Variants in SETMAR observed in about 807,000 individuals in gnomAD.
The protein encoded by SETMAR is histone-lysine N-methyltransferase SETMAR.
Under a neutral mutation model 58.4 loss-of-function variants are expected in SETMAR, and 44 were observed. The ratio of observed to expected loss-of-function variants is 0.75; its 90% confidence interval spans 0.59 to 0.97. The LOEUF (loss-of-function observed/expected upper bound fraction) is 0.97. Ranked by LOEUF, SETMAR falls within the 50% of genes least tolerant of loss-of-function variation. The pLI is 0.00. For synonymous variants in SETMAR, 332 were observed against 307.4 expected (o/e 1.08, Z -0.84); for missense variants, 903 against 840.2 (o/e 1.07, Z -0.92).
At chr3:4,310,035 G>A (rs889544129) in intron 1 of SETMAR, among the ~76,000 whole-genome samples, 3 of 152,186 alleles carry the variant, frequency 2.0e-5, no homozygotes, top group South Asian at 2.1e-4. Flanking sequence ...TGCACAGAAT[G>A]TTGCTACACT....
In SETMAR at chr3:4,313,207, T is replaced by C. The variant is rs1363115469; in HGVS notation, c.466T>C (p.Leu156=). The change falls in exon 2 of 3, where the codon TTG becomes CTG. Residue 156 remains leucine, a synonymous_variant. Transcript: ENST00000358065. ...TAAAAAAGGCTGGGGACTTCGTACC[T>C]TGGAATTTATACCGAAAGGAAGGTT... ...THKKGWGLRT[L]EFIPKGRFVC... The C allele has an allele frequency of 6.2e-7, 1 of 1,613,982 alleles. No homozygotes were observed. Among genetic ancestry groups the C allele is most frequent in the South Asian group, 1.1e-5 (1 of 91,080 alleles).
intron 1 of SETMAR, 56 bp from the exon 2 acceptor site, chr3:4,312,842 T>C: frequency 6.6e-7 from 1 of 1,526,450 alleles, no homozygotes. Context: ...CTACTTGGAA[T>C]ATATAGGAAA....
At chr3:4,303,552 G>C (rs1236135821) in intron 1 of SETMAR, 26 bp downstream of exon 1, 2 of 1,344,152 alleles carry the variant, frequency 1.5e-6, no homozygotes, top group South Asian at 2.1e-5. Context: ...GGCGGCGCGG[G>C]AGGCGGGCGC....
chr3:4,315,016 C>T (rs1698579838), intron 2 of SETMAR, among the ~76,000 whole-genome samples: 1 of 151,978 alleles, frequency 6.6e-6, no homozygotes, highest in Non-Finnish European at 1.5e-5. Context: ...CTCAATAAAG[C>T]TAGGTCGTTT....
intron 1 of SETMAR, among the ~76,000 whole-genome samples, 183 bp from the exon 2 acceptor site, chr3:4,312,715 A>G (rs1369645721): frequency 6.6e-6 from 1 of 151,420 alleles, no homozygotes. Context: ...AAAAAAAAAA[A>G]AAAAAACTTG....
At chr3:4,303,827 G>A (rs889469897) in intron 1 of SETMAR, 98 of 1,362,224 alleles carry the variant, frequency 7.2e-5, no homozygotes, top group Non-Finnish European at 9.0e-5. Context: ...AGGCATCACG[G>A]GGGGAGTCAT....
At chr3:4,306,280 A>G (rs1698186883) in intron 1 of SETMAR, among the ~76,000 whole-genome samples, 1 of 152,224 alleles carries the variant, frequency 6.6e-6, no homozygotes, top group Non-Finnish European at 1.5e-5. Context: ...TAAGCGTTAA[A>G]TTATTTAAAA....
At chr3:4,311,347 T>C (rs758481033) in intron 1 of SETMAR, among the ~76,000 whole-genome samples, 3 of 152,206 alleles carry the variant, frequency 2.0e-5, no homozygotes, top group Non-Finnish European at 2.9e-5. Context: ...CTGGAAGACG[T>C]GGTGCAAACA....
At chr3:4,309,355 G>T (rs1290618991) in intron 1 of SETMAR, among the ~76,000 whole-genome samples, 2 of 152,286 alleles carry the variant, frequency 1.3e-5, no homozygotes, top group South Asian at 4.1e-4. Context: ...CCCTTGCTGA[G>T]AGGAGGGGTC....
At chr3:4,309,125 G>A (rs1698305948) in intron 1 of SETMAR, among the ~76,000 whole-genome samples, 1 of 152,202 alleles carries the variant, frequency 6.6e-6, no homozygotes. Flanking sequence ...AATGCCTTGG[G>A]TAAGATAAAG....
intron 1 of SETMAR, among the ~76,000 whole-genome samples, chr3:4,304,817 C>T (rs1237394481): frequency 6.6e-6 from 1 of 152,056 alleles, no homozygotes; most frequent in Non-Finnish European, 1.5e-5. Flanking sequence ...GTGACCATGG[C>T]CTGTGACACA....
intron 1 of SETMAR, among the ~76,000 whole-genome samples, chr3:4,304,709 CAGATA>C (rs1023539968): frequency 1.2e-4 from 19 of 152,236 alleles, no homozygotes; most frequent in Admixed American, 3.3e-4. Flanking sequence ...TTGTGAGGAT[CAGATA>C]AGATAAGAGA....
chr3:4,308,022 G>C (rs557372952), intron 1 of SETMAR, among the ~76,000 whole-genome samples: 1 of 151,182 alleles, frequency 6.6e-6, no homozygotes. Context: ...GGGCAGCAAC[G>C]TCTTAAAAAA....
chr3:4,309,679 C>T (rs1015692363), intron 1 of SETMAR, among the ~76,000 whole-genome samples: 3 of 152,144 alleles, frequency 2.0e-5, no homozygotes, highest in African/African-American at 7.2e-5. Flanking sequence ...CTCAGTAGGC[C>T]TCATCTACGT....
rs1490193550 is a variant in SETMAR, at chr3:4,313,742, G to T, written c.1001G>T (p.Cys334Phe). 6.2e-7 allele frequency: 1 copy of T among 1,614,042 alleles called. No homozygotes were observed. Among genetic ancestry groups the T allele is most frequent in the East Asian group, 2.2e-5 (1 of 44,874 alleles). Residue 334 changes from cysteine to phenylalanine, a missense_variant, in exon 2 of 3, where the codon TGC (cysteine) becomes TTC (phenylalanine). Cys to Phe is a radical substitution (Grantham distance 205). Coordinates refer to ENST00000358065, the MANE Select transcript of SETMAR (RefSeq NM_006515.4). Reference sequence around the variant, plus strand: ...TCAGCCCCTTCTGTGTTCCCCTCCTGCAAGCGATTGACCCTTGAGGTGAGT... The same window carrying T: ...TCAGCCCCTTCTGTGTTCCCCTCCTTCAAGCGATTGACCCTTGAGGTGAGT... ...CGSAPSVFPS[C>F]KRLTLETMKM...
intron 1 of SETMAR, 46 bp downstream of exon 1, chr3:4,303,572 C>T (rs1698041981): frequency 7.4e-7 from 1 of 1,344,978 alleles, no homozygotes; most frequent in African/African-American, 1.5e-5. Flanking sequence ...CGCGGCTCCC[C>T]CACGTGGTCT....
intron 1 of SETMAR, among the ~76,000 whole-genome samples, chr3:4,311,293 T>G (rs1698394970): frequency 6.6e-6 from 1 of 152,154 alleles, no homozygotes. Context: ...GTTCAATACC[T>G]TTCTAAAGCC....
Position 4,316,966 on chromosome 3 carries a change from C to A in SETMAR, c.1775C>A (p.Pro592Gln), listed in dbSNP as rs1234028157. The A allele has an allele frequency of 6.5e-7, 1 of 1,549,394 alleles. No individual in the cohort carries two copies. Among genetic ancestry groups the A allele is most frequent in the African/African-American group, 1.4e-5 (1 of 73,070 alleles). Residue 592 changes from proline to glutamine, a missense_variant, in exon 3 of 3, where the codon CCG (proline) becomes CAG (glutamine). Physicochemically the swap from Pro to Gln is moderately conservative, Grantham distance 76. Transcript: ENST00000358065. ...ATTCTTCTCCACGACAATGCCCGAC[C>A]GCATGTTGCACAACCCACACTTCAA... The part of the protein sequence containing the change: ...GPILLHDNAR[P>Q]HVAQPTLQKL...
In SETMAR at chr3:4,316,301, C is replaced by T; in HGVS notation, c.1110C>T (p.Arg370=). Residue 370 remains arginine (R), a synonymous_variant, in exon 3 of 3, where the codon CGC becomes CGT. Transcript: ENST00000358065. ...KMGRKAAETT[R]NINNAFGPGT... Reference sequence around the variant, plus strand: ...GTCGTAAAGCAGCAGAAACAACTCGCAACATCAACAATGCATTTGGCCCAG... The same window carrying T: ...GTCGTAAAGCAGCAGAAACAACTCGTAACATCAACAATGCATTTGGCCCAG... The T allele has an allele frequency of 2.7e-6, 3 of 1,097,272 alleles. No homozygotes were observed. The highest frequency in any genetic ancestry group is 2.7e-5 in the South Asian group (2 of 75,410). The allele number at this position is 1,097,272 out of a possible 1,614,324, so 68.0% of individuals were successfully genotyped here. A position where few individuals can be genotyped will look rare whatever the true frequency, so the allele number is the denominator to read the frequency against.
Sources: gnomAD v4.1 joint callset for allele counts (sites outside exome capture counted in the v4.1 genomes callset) on GRCh38, gnomAD v4.1.1 for gene constraint, MANE v1.5 for transcripts, NCBI Gene and HGNC (gene_info 2026-07-23, HGNC 2026-07-21) for gene names.